The following FUBP3 variants were observed in gnomAD, a reference collection of about 807,000 sequenced individuals.
The protein encoded by FUBP3 is far upstream element binding protein 3, also known as far upstream element-binding protein 3.
FUBP3 carries 28 observed loss-of-function variants against 85.6 expected under a neutral mutation model. The observed-to-expected ratio is 0.33, with a 90% CI of 0.24 to 0.45. The LOEUF (loss-of-function observed/expected upper bound fraction) is 0.45, where lower values mean the gene tolerates loss of function less well. Among genes scored for constraint, FUBP3 ranks in the 20% least tolerant of loss-of-function variants. The pLI is 1.00. For missense variants in FUBP3, 583 were observed against 755.1 expected (o/e 0.77, Z 2.67); for synonymous variants, 271 against 271.4 (o/e 1.00, Z 0.01).
chr9:130,612,385 A>C lies in FUBP3; in HGVS notation c.225-71A>C, dbSNP rs1164957973. 1.0e-5 allele frequency: 9 copies of C among 896,038 alleles called. No homozygotes were observed. The East Asian group carries it at 1.9e-4, about 19-fold the overall frequency. The allele number at this position is 896,038 out of a possible 1,614,324, so 55.5% of individuals were successfully genotyped here. A position where few individuals can be genotyped will look rare whatever the true frequency, so the allele number is the denominator to read the frequency against. ...ATCATGCAACATTGCCAGTATGGGCAGTTTGGGGACCTAAAATGGCTGCAA... is the reference window on the plus strand; with the variant it reads ...ATCATGCAACATTGCCAGTATGGGCCGTTTGGGGACCTAAAATGGCTGCAA... On this transcript the variant is annotated intron_variant, in intron 3 of 18. Coordinates refer to ENST00000319725, the MANE Select transcript of FUBP3 (RefSeq NM_003934.2). The surrounding 1 kb of genome is among the most constrained non-coding windows in gnomAD (Gnocchi z 4.1).
At position 130,631,982 on chromosome 9, in the gene FUBP3, G is replaced by A. The variant is rs761551822; in HGVS notation, c.1393G>A (p.Ala465Thr). ...GAGCTCCGGGTGCTTCCCAAACATG[G>A]CTGCCAAGGTGAATGGGAACCCCCA... ...PRSSGCFPNM[A>T]AKVNGNPHST... is the part of the protein sequence containing the mutation. Residue 465 changes from alanine to threonine, a missense_variant, in exon 15 of 19, where the codon GCT becomes ACT. Around this residue, in one of 3 missense-constraint regions of FUBP3, gnomAD observed 404 missense variants for 516.8 expected, o/e 0.78. Transcript: ENST00000319725. 1 of 1,613,816 alleles carries A rather than the reference G, an allele frequency of 6.2e-7. No homozygotes were observed. The highest frequency in any genetic ancestry group is 8.5e-7 in the Non-Finnish European group (1 of 1,179,704).
At chr9:130,596,512 G>GTT in intron 2 of FUBP3, 9 of 153,572 alleles carry the variant, frequency 5.9e-5, no homozygotes, top group South Asian at 1.5e-4. Flanking sequence ...AGGAATTCTT[G>GTT]TTTTTTTTTT....
intron 1 of FUBP3, among the ~76,000 whole-genome samples, chr9:130,583,764 A>C (rs888754320): frequency 3.3e-5 from 5 of 152,224 alleles, no homozygotes; most frequent in Non-Finnish European, 5.9e-5. Context: ...GTGCGCCACC[A>C]CATGTTAATG....
chr9:130,622,280 G>A (rs80316904), intron 9 of FUBP3, among the ~76,000 whole-genome samples: 3 of 147,516 alleles, frequency 2.0e-5, no homozygotes, highest in Non-Finnish European at 4.4e-5. Context: ...AGCCAAGATC[G>A]TGCCACTGCA....
Position 130,616,604 on chromosome 9 carries a change from T to G in FUBP3, c.567+87T>G. Reference sequence around the variant, plus strand: ...CCAGGAGATCTGCTTACGGCTGGCATTCCCTGGCTGGGCTGGCTTTGTGCA... The same window carrying G: ...CCAGGAGATCTGCTTACGGCTGGCAGTCCCTGGCTGGGCTGGCTTTGTGCA... On this transcript the variant is annotated intron_variant, in intron 7 of 18. Coordinates refer to ENST00000319725, the MANE Select transcript of FUBP3 (RefSeq NM_003934.2). The surrounding 1 kb of genome is among the most constrained non-coding windows in gnomAD (Gnocchi z 4.7). 7.7e-7 allele frequency: 1 copy of G among 1,291,130 alleles called. No individual in the cohort carries two copies. Among genetic ancestry groups the G allele is most frequent in the Non-Finnish European group, 1.1e-6 (1 of 904,060 alleles). 80.0% of individuals were successfully genotyped at this position (1,291,130 alleles called of 1,614,324 possible). A position where few individuals can be genotyped will look rare whatever the true frequency, so the allele number is the denominator to read the frequency against.
intron 1 of FUBP3, among the ~76,000 whole-genome samples, chr9:130,590,067 C>G (rs996422119): frequency 2.2e-5 from 3 of 133,784 alleles, no homozygotes; most frequent in Admixed American, 8.2e-5. Flanking sequence ...TGACATACCC[C>G]CAAGGAGATC....
intron 15 of FUBP3, 24 bp from the exon 16 acceptor site, chr9:130,632,178 G>C (rs760485261): frequency 4.4e-6 from 7 of 1,601,070 alleles, no homozygotes; most frequent in Non-Finnish European, 6.0e-6. Context: ...CTATAGGAAC[G>C]AGTGACCCTC....
intron 8 of FUBP3, among the ~76,000 whole-genome samples, chr9:130,619,239 T>A (rs575461657): frequency 3.8e-4 from 56 of 147,714 alleles, no homozygotes; most frequent in Non-Finnish European, 7.5e-4. Flanking sequence ...CCCATAAATT[T>A]GCAGGAAAAT....
At chr9:130,589,859 C>T (rs1352068821) in intron 1 of FUBP3, among the ~76,000 whole-genome samples, 1 of 149,342 alleles carries the variant, frequency 6.7e-6, no homozygotes, top group Admixed American at 6.7e-5. Context: ...TACAGGCTCA[C>T]GCCACCACAC....
intron 2 of FUBP3, among the ~76,000 whole-genome samples, chr9:130,606,394 C>G (rs183730897): frequency 2.3e-4 from 35 of 152,170 alleles, no homozygotes; most frequent in African/African-American, 8.2e-4. Flanking sequence ...CCCCACCCCC[C>G]CCCAACAGAC....
intron 12 of FUBP3, among the ~76,000 whole-genome samples, chr9:130,628,098 G>GCGCA (rs1321178953): frequency 6.0e-5 from 7 of 116,908 alleles, no homozygotes; most frequent in African/African-American, 1.5e-4. Flanking sequence ...ACGCACGCAC[G>GCGCA]CACGCGCACA....
rs768219076 is a variant in FUBP3 at position 130,595,571 on chromosome 9, G to C, written c.173G>C (p.Arg58Pro). Residue 58 changes from arginine to proline, a missense_variant, in exon 2 of 19, where the codon CGG becomes CCG. Arg to Pro is a moderately radical substitution (Grantham distance 103). This residue lies in a region of FUBP3 where 177 missense variants were observed against 221.9 expected (regional missense o/e 0.80). Coordinates refer to ENST00000319725, the MANE Select transcript of FUBP3 (RefSeq NM_003934.2). ...PSVYGYGVQK[R>P]PLDDGVGNQL... ...GTATATGGATACGGAGTACAAAAAC[G>C]GCCCTTGGATGATGGAGGTAAGTTG... The C allele has an allele frequency of 6.5e-7, 1 of 1,527,222 alleles. No individual in the cohort carries two copies. The highest frequency in any genetic ancestry group is 9.1e-7 in the Non-Finnish European group (1 of 1,100,710). The allele number at this position is 1,527,222 out of a possible 1,614,324, so 94.6% of individuals were successfully genotyped here.
At chr9:130,611,246 A>G (rs1328967846) in intron 3 of FUBP3, among the ~76,000 whole-genome samples, 2 of 152,190 alleles carry the variant, frequency 1.3e-5, no homozygotes, top group African/African-American at 4.8e-5. Flanking sequence ...TCCTGGCCAC[A>G]CGCACAAGAG....
At chr9:130,580,031 C>T (rs1053029067) in intron 1 of FUBP3, among the ~76,000 whole-genome samples, 3 of 152,210 alleles carry the variant, frequency 2.0e-5, no homozygotes, top group East Asian at 1.9e-4. Flanking sequence ...CCATCGTGCC[C>T]CAGCGGCCAG....
intron 16 of FUBP3, 66 bp downstream of exon 16, chr9:130,632,344 C>T: frequency 1.6e-6 from 2 of 1,232,872 alleles, no homozygotes; most frequent in Non-Finnish European, 2.4e-6. Context: ...AGTCCTGGGG[C>T]CAAAACGCCC....
chr9:130,620,223 A>G (rs77557677), intron 8 of FUBP3, 131 bp from the exon 9 acceptor site: 6 of 546,260 alleles, frequency 1.1e-5, no homozygotes, highest in Admixed American at 1.1e-4. Flanking sequence ...CCCATAAGCC[A>G]TAAGTGAATT....
intron 1 of FUBP3, among the ~76,000 whole-genome samples, chr9:130,587,972 C>T (rs968725040): frequency 5.3e-5 from 8 of 152,162 alleles, no homozygotes; most frequent in African/African-American, 1.9e-4. Flanking sequence ...AGAAGAGCTG[C>T]ATCTTATTCA....
chr9:130,611,402 G>A (rs12345908), intron 3 of FUBP3, among the ~76,000 whole-genome samples: 22,153 of 152,068 alleles, frequency 0.15, 2,155 homozygotes, highest in African/African-American at 0.27. Flanking sequence ...CCTGATTTGG[G>A]GAGAACACAT....
intron 9 of FUBP3, among the ~76,000 whole-genome samples, chr9:130,621,472 A>C (rs1409100781): frequency 6.6e-6 from 1 of 152,254 alleles, no homozygotes; most frequent in Non-Finnish European, 1.5e-5. Flanking sequence ...CAGCCTGGAT[A>C]ACAAGTCCAG....
Sources: allele counts gnomAD v4.1 joint callset (sites outside exome capture counted in the v4.1 genomes callset), GRCh38; gene constraint gnomAD v4.1.1; regional missense constraint gnomAD v4.1.1; non-coding constraint Gnocchi (gnomAD v3.1); transcripts MANE v1.5; gene names NCBI Gene and HGNC (gene_info 2026-07-23, HGNC 2026-07-21).